The following XRCC4 variants were observed in gnomAD, a reference collection of about 807,000 sequenced individuals.
XRCC4 encodes DNA repair protein XRCC4.
XRCC4 carries 28 observed loss-of-function variants against 39.1 expected under a neutral mutation model. The ratio of observed to expected loss-of-function variants is 0.72; its 90% CI spans 0.53 to 0.98. XRCC4 has a LOEUF of 0.98. Among genes scored for constraint, XRCC4 ranks in the 50% least tolerant of loss-of-function variants. The probability of loss-of-function intolerance (pLI) is 0.00; values close to 1 mark genes in which losing one functional copy is unlikely to be tolerated. For synonymous variants in XRCC4, 123 were observed against 126.4 expected (o/e 0.97, Z 0.18); for missense variants, 350 against 376.4 (o/e 0.93, Z 0.58).
chr5:83,305,759 T>G (rs1199089174), intron 7 of XRCC4, among the ~76,000 whole-genome samples: 5 of 152,196 alleles, frequency 3.3e-5, no homozygotes, highest in Non-Finnish European at 7.4e-5. Flanking sequence ...TAACTAACTC[T>G]TCTTGATGTT....
chr5:83,267,924 G>A (rs1043035465), intron 7 of XRCC4, among the ~76,000 whole-genome samples: 1 of 152,168 alleles, frequency 6.6e-6, no homozygotes, highest in Non-Finnish European at 1.5e-5. Context: ...GGCAAGGTAG[G>A]CAGAACGTAG....
At chr5:83,370,502 G>C in the XRCC4 span, among the ~76,000 whole-genome samples, 1 of 152,134 alleles carries the variant, frequency 6.6e-6, no homozygotes, top group Admixed American at 6.6e-5. Flanking sequence ...ACAGAGGAGG[G>C]CTAGTGCATG....
downstream of XRCC4, among the ~76,000 whole-genome samples, chr5:83,354,483 A>T (rs1347179374): frequency 6.6e-6 from 1 of 152,208 alleles, no homozygotes; most frequent in Non-Finnish European, 1.5e-5. Context: ...ATATACATGG[A>T]TATACATGGG....
the XRCC4 span, among the ~76,000 whole-genome samples, chr5:83,360,993 T>A: frequency 2.6e-5 from 4 of 152,290 alleles, no homozygotes; most frequent in African/African-American, 7.2e-5. Context: ...GGCTGGAACC[T>A]GGTAATAAAA....
the XRCC4 span, among the ~76,000 whole-genome samples, chr5:83,368,048 T>G: frequency 6.6e-6 from 1 of 150,570 alleles, no homozygotes; most frequent in African/African-American, 2.5e-5. Context: ...GATGCTTATT[T>G]CAATGATCTC....
intron 3 of XRCC4, among the ~76,000 whole-genome samples, chr5:83,158,849 A>AT (rs112478073): frequency 1.3e-5 from 2 of 152,060 alleles, no homozygotes; most frequent in African/African-American, 4.8e-5. Flanking sequence ...CAAAATGTTT[A>AT]TTTTTTCTAA....
At chr5:83,294,893 G>A (rs1277252532) in intron 7 of XRCC4, among the ~76,000 whole-genome samples, 1 of 151,946 alleles carries the variant, frequency 6.6e-6, no homozygotes, top group Non-Finnish European at 1.5e-5. Flanking sequence ...TTTCTTGGAA[G>A]CACCCTGTGG....
At chr5:83,247,699 T>C (rs1171333911) in intron 6 of XRCC4, among the ~76,000 whole-genome samples, 2 of 152,152 alleles carry the variant, frequency 1.3e-5, no homozygotes, top group African/African-American at 4.8e-5. Flanking sequence ...CTGAATACAG[T>C]TTTTTAATGA....
chr5:83,156,093 C>T (rs1748946371), intron 3 of XRCC4, among the ~76,000 whole-genome samples: 1 of 152,018 alleles, frequency 6.6e-6, no homozygotes. Context: ...TTTTCCTGTG[C>T]TTTGGCTACC....
intron 3 of XRCC4, among the ~76,000 whole-genome samples, chr5:83,164,985 T>A (rs1749391771): frequency 6.6e-6 from 1 of 152,080 alleles, no homozygotes; most frequent in Non-Finnish European, 1.5e-5. Flanking sequence ...AAATAAAATA[T>A]TTTTCTCTTC....
the XRCC4 span, among the ~76,000 whole-genome samples, chr5:83,370,877 A>G: frequency 6.6e-6 from 1 of 152,116 alleles, no homozygotes; most frequent in Non-Finnish European, 1.5e-5. Flanking sequence ...ACTCTGCCCC[A>G]TGCCAACTCT....
chr5:83,168,656 T>A (rs2974442), intron 3 of XRCC4, among the ~76,000 whole-genome samples: 1 of 152,226 alleles, frequency 6.6e-6, no homozygotes, highest in African/African-American at 2.4e-5. Flanking sequence ...GACCAACATA[T>A]GGTCCAAATT....
intron 7 of XRCC4, among the ~76,000 whole-genome samples, chr5:83,311,654 C>T (rs1755712203): frequency 6.6e-6 from 1 of 151,988 alleles, no homozygotes; most frequent in African/African-American, 2.4e-5. Context: ...AATTTATCAT[C>T]TAGTCATTTT....
intron 1 of XRCC4, among the ~76,000 whole-genome samples, chr5:83,084,752 A>G (rs1745105491): frequency 2.6e-5 from 4 of 152,146 alleles, no homozygotes; most frequent in Admixed American, 2.6e-4. Context: ...CGTTTAAAAT[A>G]CTGTTTGTTT....
At chr5:83,174,213 G>A (rs558801829) in intron 3 of XRCC4, among the ~76,000 whole-genome samples, 1 of 152,246 alleles carries the variant, frequency 6.6e-6, no homozygotes. Flanking sequence ...GGTTTATTAA[G>A]GGGAATGCCT....
chr5:83,094,230 A>T (rs950413953), intron 1 of XRCC4, among the ~76,000 whole-genome samples: 1 of 151,570 alleles, frequency 6.6e-6, no homozygotes, highest in Non-Finnish European at 1.5e-5. Context: ...CTTAATTCCT[A>T]TTATGTATAG....
intron 6 of XRCC4, among the ~76,000 whole-genome samples, chr5:83,252,757 A>G (rs1753374146): frequency 6.6e-6 from 1 of 152,176 alleles, no homozygotes; most frequent in South Asian, 2.1e-4. Flanking sequence ...ATCCAAACCC[A>G]GGCATTCTCA....
chr5:83,203,956 T>C (rs1171534579), intron 5 of XRCC4, among the ~76,000 whole-genome samples: 5 of 152,136 alleles, frequency 3.3e-5, no homozygotes, highest in Non-Finnish European at 5.9e-5. Context: ...ATTAAAGTAT[T>C]ATTTAATTCT....
chr5:83,085,405 C>G (rs1277027316), intron 1 of XRCC4, among the ~76,000 whole-genome samples: 3 of 152,110 alleles, frequency 2.0e-5, no homozygotes, highest in Non-Finnish European at 4.4e-5. Flanking sequence ...AAATGAACAG[C>G]TGCTCAGGGA....
Sources: allele counts gnomAD v4.1 joint callset (sites outside exome capture counted in the v4.1 genomes callset), GRCh38; gene constraint gnomAD v4.1.1; transcripts MANE v1.5; gene names NCBI Gene and HGNC (gene_info 2026-07-23, HGNC 2026-07-21).